Variants in ACTG1 observed in about 807,000 individuals in gnomAD.
ACTG1 encodes actin gamma 1.
A neutral mutation model predicts 34.3 loss-of-function variants in ACTG1; 14 were observed. That is an observed-to-expected ratio of 0.41 (90% CI 0.27 to 0.64). The LOEUF is 0.64. Ranked by LOEUF, ACTG1 falls within the 30% of genes least tolerant of loss-of-function variation. The probability of loss-of-function intolerance (pLI) is 0.33; values close to 1 mark genes in which losing one functional copy is unlikely to be tolerated. For synonymous variants in ACTG1, 422 were observed against 213.9 expected (o/e 1.97, Z -8.49); for missense variants, 233 against 529.5 (o/e 0.44, Z 5.50).
chr17:81,511,074 G>A lies in ACTG1; in HGVS notation c.837C>T (p.Phe279=), dbSNP rs77274428. ...MESCGIHETT[F]NSIMKCDVDI... is the part of the protein sequence containing the mutation. ...CCACGTCACACTTCATGATGGAGTTGAAGGTGGTCTCGTGGATGCCGCAAG... is the reference window on the plus strand; with the variant it reads ...CCACGTCACACTTCATGATGGAGTTAAAGGTGGTCTCGTGGATGCCGCAAG... Residue 279 remains phenylalanine, a synonymous_variant, in exon 5 of 6, where the codon TTC becomes TTT. Coordinates refer to ENST00000573283, the MANE Select transcript of ACTG1 (RefSeq NM_001614.5). 26 of 1,614,054 alleles carry A rather than the reference G, an allele frequency of 1.6e-5. No homozygotes were observed. In the African/African-American group the frequency reaches 2.5e-4, roughly 16 times the overall value.
intron 3 of ACTG1, 71 bp from the exon 4 acceptor site, chr17:81,511,697 C>G (rs1361920898): frequency 1.4e-5 from 21 of 1,543,456 alleles, no homozygotes; most frequent in African/African-American, 2.7e-5. Flanking sequence ...CACGCCACAA[C>G]ATGCTGCATG....
At chr17:81,512,203 C>T (rs550758256) in intron 2 of ACTG1, 29 bp downstream of exon 2, 2 of 1,613,474 alleles carry the variant, frequency 1.2e-6, no homozygotes, top group East Asian at 2.2e-5. Flanking sequence ...AACGCAGAAC[C>T]CAGGAGCCCC....
In ACTG1 at chr17:81,510,024, C is replaced by G. The variant is rs781877350; in HGVS notation, c.*666G>C. On this transcript the variant is annotated 3_prime_UTR_variant, in exon 6 of 6. Coordinates refer to ENST00000573283, the MANE Select transcript of ACTG1 (RefSeq NM_001614.5). ...TTACACAATGACGTGTTGCTGGGGC[C>G]TAATGTTCTCACATAACAGTAGAAA... The G allele has an allele frequency of 4.5e-6, 2 of 440,580 alleles. No individual in the cohort carries two copies. Among genetic ancestry groups the G allele is most frequent in the Non-Finnish European group, 4.6e-6 (1 of 219,630 alleles). 27.3% of individuals were successfully genotyped at this position (440,580 alleles called of 1,614,324 possible).
In ACTG1 at chr17:81,510,960, G is replaced by A. The variant is rs782736611; in HGVS notation, c.951C>T (p.Ile317=). The part of the protein sequence containing the change: ...PGIADRMQKE[I]TALAPSTMKI... The stretch of plus-strand genomic sequence containing the variant: ...TCATGGTGCTGGGCGCCAGGGCGGT[G>A]ATCTCCTTCTGCATCCTGTCGGCAA... Residue 317 remains isoleucine (I), a synonymous_variant, in exon 5 of 6, where the codon ATC becomes ATT. Coordinates refer to ENST00000573283, the MANE Select transcript of ACTG1 (RefSeq NM_001614.5). 2.5e-6 allele frequency: 4 copies of A among 1,613,994 alleles called. No individual in the cohort carries two copies. The highest frequency in any genetic ancestry group is 2.2e-5 in the South Asian group (2 of 91,090).
intron 1 of ACTG1, 140 bp from the exon 2 acceptor site, chr17:81,512,500 G>A (rs1598552274): frequency 1.4e-5 from 20 of 1,398,626 alleles, no homozygotes; most frequent in African/African-American, 2.8e-5. Context: ...CAACCGCCTG[G>A]AACCGAAGGC....
Position 81,512,113 on chromosome 17 carries a change from G to A in ACTG1, c.153C>T (p.Asp51=), listed in dbSNP as rs782815041. ...TCTGGGCCTCGTCGCCCACGTAGGA[G>A]TCCTTCTGGCCCATGCCCACCATGA... The part of the protein sequence containing the change: ...QGVMVGMGQK[D]SYVGDEAQSK... The change falls in exon 3 of 6, where the codon GAC becomes GAT. Residue 51 remains aspartate (D), a synonymous_variant. Transcript: ENST00000573283. 2.5e-5 allele frequency: 41 copies of A among 1,613,658 alleles called. No individual in the cohort carries two copies. In the Middle Eastern group the frequency reaches 6.6e-4, roughly 26 times the overall value.
In ACTG1 at chr17:81,510,552, A is replaced by G. The variant is rs1213339754; in HGVS notation, c.*138T>C. 2.7e-6 allele frequency: 3 copies of G among 1,121,160 alleles called. No individual in the cohort carries two copies. The highest frequency in any genetic ancestry group is 4.0e-6 in the Non-Finnish European group (3 of 746,178). The allele number at this position is 1,121,160 out of a possible 1,614,324, so 69.5% of individuals were successfully genotyped here. On this transcript the variant is annotated 3_prime_UTR_variant, in exon 6 of 6. Coordinates refer to ENST00000573283, the MANE Select transcript of ACTG1 (RefSeq NM_001614.5). ...CTACAATCCAGTGCTGATATCAGAT[A>G]CAAGCTTCAAGGACAATTTCTTTTC...
intron 5 of ACTG1, 26 bp downstream of exon 5, chr17:81,510,901 A>T (rs1555666444): frequency 6.2e-7 from 1 of 1,613,864 alleles, no homozygotes; most frequent in Admixed American, 1.7e-5. Flanking sequence ...CGAGCCAGGC[A>T]GAGGGCCACC....
rs782610147 is a variant in ACTG1, at chr17:81,510,682, G to A, written c.*8C>T. On this transcript the variant is annotated 3_prime_UTR_variant, in exon 6 of 6. Transcript: ENST00000573283. ...ATGCAGCAAATGCTACGCATCTGCT[G>A]AGTCCGTTTAGAAGCATTTGCGGTG... 16 of 1,613,784 alleles carry A rather than the reference G, an allele frequency of 9.9e-6. No homozygotes were observed. The highest frequency in any genetic ancestry group is 1.3e-5 in the African/African-American group (1 of 74,918).
rs140289614 is a variant in ACTG1 at position 81,511,077 on chromosome 17, G to C, written c.834C>G (p.Thr278=). 6.2e-7 allele frequency: 1 copy of C among 1,614,050 alleles called. No homozygotes were observed. The highest frequency in any genetic ancestry group is 8.5e-7 in the Non-Finnish European group (1 of 1,180,042). Residue 278 remains threonine (T), a synonymous_variant, in exon 5 of 6, where the codon ACC becomes ACG. Transcript: ENST00000573283. ...GMESCGIHET[T]FNSIMKCDVD... ...CGTCACACTTCATGATGGAGTTGAAGGTGGTCTCGTGGATGCCGCAAGATT... is the reference window on the plus strand; with the variant it reads ...CGTCACACTTCATGATGGAGTTGAACGTGGTCTCGTGGATGCCGCAAGATT...
rs1555667250 is a variant in ACTG1, at chr17:81,512,296, C to G, written c.59G>C (p.Gly20Ala). 1.2e-6 allele frequency: 2 copies of G among 1,613,910 alleles called. No individual in the cohort carries two copies. Among genetic ancestry groups the G allele is most frequent in the Non-Finnish European group, 1.7e-6 (2 of 1,179,962 alleles). The change falls in exon 2 of 6, where the codon GGT (glycine) becomes GCT (alanine). Residue 20 changes from glycine (G) to alanine (A), a missense_variant. Physicochemically the swap from Gly to Ala is moderately conservative, Grantham distance 60 (BLOSUM62 0). Coordinates refer to ENST00000573283, the MANE Select transcript of ACTG1 (RefSeq NM_001614.5). ...TCGGGGAGCGTCGTCCCCAGCAAAACCAGCTTTGCACATGCCGGAGCCATT... is the reference window on the plus strand; with the variant it reads ...TCGGGGAGCGTCGTCCCCAGCAAAAGCAGCTTTGCACATGCCGGAGCCATT... Reference protein sequence around the residue: ...IDNGSGMCKAGFAGDDAPRAV... With the variant: ...IDNGSGMCKAAFAGDDAPRAV...
rs782629376 is a variant in ACTG1, at chr17:81,510,484, G to A, written c.*206C>T. ...ACAGGGTATTAAACAAATACCAAGG[G>A]GAACAGTTAACTTCAATACAAGGTC... On this transcript the variant is annotated 3_prime_UTR_variant, in exon 6 of 6. Transcript: ENST00000573283. 4.9e-5 allele frequency: 36 copies of A among 737,882 alleles called. No individual in the cohort carries two copies. Among genetic ancestry groups the A allele is most frequent in the South Asian group, 1.5e-4 (10 of 67,738 alleles). The allele number at this position is 737,882 out of a possible 1,614,324, so 45.7% of individuals were successfully genotyped here. A position where few individuals can be genotyped will look rare whatever the true frequency, so the allele number is the denominator to read the frequency against.
At position 81,510,472 on chromosome 17, in the gene ACTG1, CAAAT is replaced by C; in HGVS notation, c.*214_*217del. 1.4e-6 allele frequency: 1 copy of C among 720,980 alleles called. No individual in the cohort carries two copies. The highest frequency in any genetic ancestry group is 2.5e-6 in the Non-Finnish European group (1 of 408,026). The allele number at this position is 720,980 out of a possible 1,614,324, so 44.7% of individuals were successfully genotyped here. A position where few individuals can be genotyped will look rare whatever the true frequency, so the allele number is the denominator to read the frequency against. On this transcript the variant is annotated 3_prime_UTR_variant, in exon 6 of 6. Coordinates refer to ENST00000573283, the MANE Select transcript of ACTG1 (RefSeq NM_001614.5). ...TCAAAGATATGTACAGGGTATTAAACAAATACCAAGGGGAACAGTTAACTTCAAT... is the reference window on the plus strand; with the variant it reads ...TCAAAGATATGTACAGGGTATTAAACACCAAGGGGAACAGTTAACTTCAAT...
rs782546771 is a variant in ACTG1 at position 81,512,349 on chromosome 17, T to C, written c.6A>G (p.Glu2=). 6.2e-6 allele frequency: 10 copies of C among 1,613,816 alleles called. No individual in the cohort carries two copies. The East Asian group carries it at 8.9e-5, about 14-fold the overall frequency. The change falls in exon 2 of 6, where the codon GAA becomes GAG. Residue 2 remains glutamate (E), a synonymous_variant. Coordinates refer to ENST00000573283, the MANE Select transcript of ACTG1 (RefSeq NM_001614.5). The stretch of plus-strand genomic sequence containing the variant: ...CAATGACCAGCGCGGCGATCTCTTC[T>C]TCCATTGCGACCTGCCCGGAAAAGG... The part of the protein sequence containing the change: M[E]EEIAALVIDN...
chr17:81,510,853 C>A lies in ACTG1; in HGVS notation c.985-20G>T. 1 of 1,608,286 alleles carries A rather than the reference C, an allele frequency of 6.2e-7. No homozygotes were observed. Among genetic ancestry groups the A allele is most frequent in the Non-Finnish European group, 8.5e-7 (1 of 1,178,844 alleles). ...GATGATCTGCAAAGACAGCCAGGCA[C>A]GGCTTCAGCTCACAGAGCGCCCCCC... On this transcript the variant is annotated intron_variant, in intron 5 of 5. Coordinates refer to ENST00000573283, the MANE Select transcript of ACTG1 (RefSeq NM_001614.5).
chr17:81,510,863 T>G lies in ACTG1; in HGVS notation c.985-30A>C. ...AAAGACAGCCAGGCACGGCTTCAGC[T>G]CACAGAGCGCCCCCCAGTCAGCTCT... On this transcript the variant is annotated intron_variant, in intron 5 of 5. Coordinates refer to ENST00000573283, the MANE Select transcript of ACTG1 (RefSeq NM_001614.5). 4 of 1,599,176 alleles carry G rather than the reference T, an allele frequency of 2.5e-6. No individual in the cohort carries two copies. The South Asian group carries it at 3.3e-5, about 13-fold the overall frequency.
At chr17:81,511,768 G>T (rs782781154) in intron 3 of ACTG1, 135 bp downstream of exon 3, 3 of 1,541,982 alleles carry the variant, frequency 1.9e-6, no homozygotes, top group Non-Finnish European at 2.6e-6. Flanking sequence ...GAAACCTGGA[G>T]GCTTCAGGGA....
rs369082132 is a variant in ACTG1, at chr17:81,510,543, A to G, written c.*147T>C. Reference sequence around the variant, plus strand: ...CAACAAGTTCTACAATCCAGTGCTGATATCAGATACAAGCTTCAAGGACAA... The same window carrying G: ...CAACAAGTTCTACAATCCAGTGCTGGTATCAGATACAAGCTTCAAGGACAA... On this transcript the variant is annotated 3_prime_UTR_variant, in exon 6 of 6. Transcript: ENST00000573283. 147 of 1,006,006 alleles carry G rather than the reference A, an allele frequency of 1.5e-4. No homozygotes were observed. In the East Asian group the frequency reaches 2.9e-3, roughly 20 times the overall value. The allele number at this position is 1,006,006 out of a possible 1,614,324, so 62.3% of individuals were successfully genotyped here.
chr17:81,511,840 C>A (rs782193841), intron 3 of ACTG1, 63 bp downstream of exon 3: 4 of 1,609,550 alleles, frequency 2.5e-6, no homozygotes, highest in Non-Finnish European at 3.4e-6. Context: ...TGTCAGAAAT[C>A]AAGCCGGGCA....
Sources: allele counts gnomAD v4.1 joint callset, GRCh38; gene constraint gnomAD v4.1.1; transcripts MANE v1.5; gene names NCBI Gene and HGNC (gene_info 2026-07-23, HGNC 2026-07-21).